JARID2: variants seen among roughly 807,000 people sequenced by gnomAD.
JARID2 encodes the protein protein Jumonji.
Under a neutral mutation model 125.6 loss-of-function variants are expected in JARID2, and 21 were observed. The observed-to-expected ratio is 0.17, with a 90% CI of 0.12 to 0.24. The LOEUF (loss-of-function observed/expected upper bound fraction) is 0.24. Ranked by LOEUF, JARID2 falls within the 10% of genes least tolerant of loss-of-function variation. JARID2 has a pLI of 1.00. For missense variants in JARID2, 1,303 were observed against 1,639.6 expected, an observed-to-expected ratio of 0.79 and a Z score of 3.55; for synonymous variants, 736 against 661.6, an observed-to-expected ratio of 1.11 and a Z score of -1.73.
chr6:15,291,567 T>C (rs969389848), intron 1 of JARID2, among the ~76,000 whole-genome samples: 7 of 152,200 alleles, frequency 4.6e-5, no homozygotes, highest in Non-Finnish European at 1.0e-4. Context: ...AGTGAAGGGA[T>C]GCTGCAGGGA....
chr6:15,489,958 A>T (rs566794908), intron 6 of JARID2, among the ~76,000 whole-genome samples: 19 of 152,184 alleles, frequency 1.2e-4, no homozygotes, highest in Admixed American at 1.2e-3. Flanking sequence ...TTTGGCTCTG[A>T]CTCTGACCTT....
intron 1 of JARID2, among the ~76,000 whole-genome samples, chr6:15,299,916 G>A (rs1761543847): frequency 6.6e-6 from 1 of 152,166 alleles, no homozygotes; most frequent in South Asian, 2.1e-4. Context: ...GGAAAATGGG[G>A]GTCCTGTCCG....
intron 3 of JARID2, among the ~76,000 whole-genome samples, chr6:15,415,157 G>T (rs1285217951): frequency 6.6e-6 from 1 of 152,226 alleles, no homozygotes; most frequent in African/African-American, 2.4e-5. Context: ...ACAGGATCAC[G>T]AGGCAGAAGA....
intron 1 of JARID2, among the ~76,000 whole-genome samples, chr6:15,267,334 T>A (rs1247371501): frequency 1.3e-5 from 2 of 152,182 alleles, no homozygotes; most frequent in East Asian, 3.8e-4. Context: ...TACATAGAGA[T>A]AGCTCAAAGA....
At chr6:15,502,642 G>A (rs75278576) in intron 8 of JARID2, among the ~76,000 whole-genome samples, 2,351 of 152,294 alleles carry the variant, frequency 0.015, 67 homozygotes, top group African/African-American at 0.053. Context: ...GACTCCTGGC[G>A]TTGCTGCTTC....
intron 1 of JARID2, among the ~76,000 whole-genome samples, chr6:15,269,042 T>C (rs562537264): frequency 2.0e-5 from 3 of 152,330 alleles, no homozygotes; most frequent in Admixed American, 6.5e-5. Context: ...TGGTGTGTGC[T>C]TGGGGAATGT....
chr6:15,413,008 G>GTTTTTGT (rs1765958811), intron 3 of JARID2, among the ~76,000 whole-genome samples: 34 of 47,486 alleles, frequency 7.2e-4, no homozygotes, highest in South Asian at 2.0e-3. Flanking sequence ...TTGTGTTTTT[G>GTTTTTGT]TTTTTTTTTT....
intron 4 of JARID2, among the ~76,000 whole-genome samples, chr6:15,461,872 G>T (rs2237139): frequency 0.26 from 38,559 of 150,546 alleles, 5,149 homozygotes; most frequent in South Asian, 0.37. Context: ...AGTCCCTTCA[G>T]TGATGGTATC....
intron 2 of JARID2, among the ~76,000 whole-genome samples, chr6:15,379,915 A>G (rs934083242): frequency 6.6e-6 from 1 of 152,198 alleles, no homozygotes; most frequent in Non-Finnish European, 1.5e-5. Flanking sequence ...AAGGAGAGGT[A>G]ATTTTGGAGC....
chr6:15,269,572 ATTT>A (rs35174256), intron 1 of JARID2, among the ~76,000 whole-genome samples: 20 of 135,612 alleles, frequency 1.5e-4, no homozygotes, highest in African/African-American at 3.6e-4. Flanking sequence ...CTATTTTAAA[ATTT>A]TTTTTTTTTT....
intron 3 of JARID2, among the ~76,000 whole-genome samples, chr6:15,429,753 G>A (rs1351224166): frequency 6.6e-6 from 1 of 152,068 alleles, no homozygotes; most frequent in Non-Finnish European, 1.5e-5. Context: ...ACACGTTTTT[G>A]GTAGTGATAC....
intron 1 of JARID2, among the ~76,000 whole-genome samples, chr6:15,368,913 G>T (rs1273300370): frequency 9.9e-5 from 15 of 152,024 alleles, no homozygotes; most frequent in Admixed American, 9.8e-4. Context: ...CTGGGCATCA[G>T]TGCAGATTCT....
Position 15,501,289 on chromosome 6 carries a change from G to C in JARID2, c.2328G>C (p.Glu776Asp). ...PRNGFRSKLK[E>D]VGQAQLKTGR... Reference sequence around the variant, plus strand: ...ACGGCTTCCGCAGCAAGCTCAAGGAGGTGGGCCAGGCCCAGTTGAAGACTG... The same window carrying C: ...ACGGCTTCCGCAGCAAGCTCAAGGACGTGGGCCAGGCCCAGTTGAAGACTG... Residue 776 changes from glutamate (E) to aspartate (D), a missense_variant, in exon 8 of 18, where the codon GAG (glutamate) becomes GAC (aspartate). Transcript: ENST00000341776. 6.2e-7 allele frequency: 1 copy of C among 1,613,432 alleles called. No individual in the cohort carries two copies. The highest frequency in any genetic ancestry group is 8.5e-7 in the Non-Finnish European group (1 of 1,179,654).
intron 1 of JARID2, among the ~76,000 whole-genome samples, chr6:15,348,007 G>T (rs1277517054): frequency 6.6e-6 from 1 of 152,176 alleles, no homozygotes; most frequent in Non-Finnish European, 1.5e-5. Flanking sequence ...CATCCAAAGT[G>T]CTGGGTTACA....
At chr6:15,351,470 C>G (rs764504597) in intron 1 of JARID2, among the ~76,000 whole-genome samples, 6 of 152,166 alleles carry the variant, frequency 3.9e-5, no homozygotes, top group Non-Finnish European at 7.4e-5. Context: ...TGGGTCTCAT[C>G]CCTGCTCTGC....
intron 3 of JARID2, among the ~76,000 whole-genome samples, chr6:15,425,293 T>C (rs1379358497): frequency 6.6e-6 from 1 of 152,196 alleles, no homozygotes; most frequent in Non-Finnish European, 1.5e-5. Context: ...AGGTGCTAAT[T>C]TGTAAATGAA....
intron 4 of JARID2, among the ~76,000 whole-genome samples, chr6:15,455,094 T>A (rs1223983489): frequency 9.9e-5 from 15 of 151,734 alleles, no homozygotes; most frequent in Admixed American, 8.6e-4. Context: ...CTGTGGAGGC[T>A]GACACGGTGG....
At chr6:15,248,667 C>T (rs1342766069) in intron 1 of JARID2, 2 of 152,672 alleles carry the variant, frequency 1.3e-5, no homozygotes, top group African/African-American at 4.8e-5. Flanking sequence ...GCGCCGGCGC[C>T]CCAGCCCTTC....
chr6:15,247,358 G>A, intron 1 of JARID2: 1 of 872,230 alleles, frequency 1.1e-6, no homozygotes, highest in Non-Finnish European at 1.4e-6. Flanking sequence ...AGTTAAATTT[G>A]TTTTGTGCAT....
Sources: gnomAD v4.1 joint callset for allele counts (sites outside exome capture counted in the v4.1 genomes callset) on GRCh38, gnomAD v4.1.1 for gene constraint, MANE v1.5 for transcripts, NCBI Gene and HGNC (gene_info 2026-07-23, HGNC 2026-07-21) for gene names.